The following ZNF782 variants were observed in gnomAD, a reference collection of about 807,000 sequenced individuals.
The protein encoded by ZNF782 is zinc finger protein 782.
ZNF782 carries 12 observed loss-of-function variants against 13.0 expected under a neutral mutation model. The ratio of observed to expected loss-of-function variants is 0.92; its 90% CI spans 0.59 to 1.50. The LOEUF is 1.50. Among genes scored for constraint, ZNF782 ranks in the 40% most tolerant of loss-of-function variants. The pLI, the probability that ZNF782 is intolerant of heterozygous loss-of-function variation, is 0.00. For missense variants in ZNF782, 770 were observed against 822.9 expected, an observed-to-expected ratio of 0.94 and a Z score of 0.79; for synonymous variants, 284 against 283.0, an observed-to-expected ratio of 1.00 and a Z score of -0.04.
chr9:96,907,305 A>G, the ZNF782 span, among the ~76,000 whole-genome samples: 14 of 152,214 alleles, frequency 9.2e-5, no homozygotes, highest in Admixed American at 8.5e-4. Flanking sequence ...TCAAGCTTAT[A>G]GAAAGAGAAA....
rs114957208 is a variant in ZNF782, at chr9:96,872,320, C to T, written c.-457+3148G>A. ...GGCCAAGGCAGGTAGTTCAGAAGGT[C>T]GGGAGTTCAAGACCAGCCTGGTCAA... On this transcript the variant is annotated intron_variant, in intron 1 of 5. Transcript: ENST00000498811. Among the ~76,000 whole-genome samples the T allele has an allele frequency of 5.1e-3, 782 of 152,184 alleles. 8 individuals are homozygous for T. The highest frequency in any genetic ancestry group is 0.018 in the African/African-American group (741 of 41,520).
the ZNF782 span, among the ~76,000 whole-genome samples, chr9:96,925,463 T>A: frequency 1.3e-5 from 2 of 151,856 alleles, no homozygotes; most frequent in Non-Finnish European, 2.9e-5. Context: ...TATGGTGCAA[T>A]CCCGTCTCTA....
chr9:96,851,145 A>G (rs113531813), intron 3 of ZNF782, among the ~76,000 whole-genome samples: 1 of 152,146 alleles, frequency 6.6e-6, no homozygotes, highest in Non-Finnish European at 1.5e-5. Flanking sequence ...ACAAAGAAAA[A>G]TCTTGTTTGA....
chr9:96,845,127 T>C (rs183083936), intron 3 of ZNF782, 111 bp from the exon 4 acceptor site: 9 of 1,347,956 alleles, frequency 6.7e-6, no homozygotes, highest in Middle Eastern at 3.7e-4. Flanking sequence ...CAAAATGCTA[T>C]AAGGGATTCT....
chr9:96,879,360 G>A (rs1439674092), upstream of ZNF782, among the ~76,000 whole-genome samples: 4 of 152,120 alleles, frequency 2.6e-5, no homozygotes, highest in African/African-American at 9.7e-5. Flanking sequence ...AAAATTAGCC[G>A]TGCCTGGTGG....
chr9:96,931,616 G>A, the ZNF782 span: 1 of 1,169,776 alleles, frequency 8.5e-7, no homozygotes, highest in South Asian at 1.5e-5. Context: ...AAGCTGCAGA[G>A]TTTCCCTGTC....
At position 96,816,558 on chromosome 9, in the gene ZNF782, A is replaced by G. The variant is rs949865170; in HGVS notation, c.*1365T>C. 2 of 152,190 alleles carry G rather than the reference A, an allele frequency of 1.3e-5. No individual in the cohort carries two copies. The highest frequency in any genetic ancestry group is 4.8e-5 in the African/African-American group (2 of 41,444). The allele number at this position is 152,190 out of a possible 1,614,324, so 9.4% of individuals were successfully genotyped here. On this transcript the variant is annotated 3_prime_UTR_variant, in exon 6 of 6. Transcript: ENST00000481138. Reference sequence around the variant, plus strand: ...ATATTTCATTAAAAGTTTTGATATTATATGTGAAACAACAGTTCTGATAAA... The same window carrying G: ...ATATTTCATTAAAAGTTTTGATATTGTATGTGAAACAACAGTTCTGATAAA...
chr9:96,900,109 C>T, the ZNF782 span, among the ~76,000 whole-genome samples: 19 of 151,398 alleles, frequency 1.3e-4, no homozygotes, highest in African/African-American at 3.7e-4. Flanking sequence ...AAAATTAGTT[C>T]AGACCAGATC....
rs1268026097 is a variant in ZNF782, at chr9:96,832,365, TCAAA to T, written c.143-5188_143-5185del. Among the ~76,000 whole-genome samples the T allele has an allele frequency of 2.0e-5, 3 of 152,324 alleles. No individual in the cohort carries two copies. In the East Asian group the frequency reaches 5.8e-4, roughly 29 times the overall value. ...AATGTTCAATTTTTCCCTTCAACCA[TCAAA>T]CAAAATTAGAAAACTCAAGAGGGAA... On this transcript the variant is annotated intron_variant, in intron 4 of 5. Coordinates refer to ENST00000481138, the MANE Select transcript of ZNF782 (RefSeq NM_001001662.3).
At chr9:96,905,772 G>A in the ZNF782 span, among the ~76,000 whole-genome samples, 66 of 152,342 alleles carry the variant, frequency 4.3e-4, no homozygotes, top group Non-Finnish European at 8.2e-4. Context: ...TTTTATGAGA[G>A]GCAGGGTTTC....
chr9:96,823,888 G>T (rs764370950), intron 5 of ZNF782, among the ~76,000 whole-genome samples: 78 of 152,072 alleles, frequency 5.1e-4, no homozygotes, highest in Non-Finnish European at 1.0e-3. Flanking sequence ...CCAATAACAG[G>T]AGCTGAAATT....
In ZNF782 at chr9:96,818,608, T is replaced by C. The variant is rs1563991320; in HGVS notation, c.1415A>G (p.His472Arg). ...ACATTCAAAAGGTTTCTCCCCTGTG[T>C]GAGTTCTCTGATGCACTATGAGGAT... ...KSILIVHQRT[H>R]TGEKPFECNE... The change falls in exon 6 of 6, where the codon CAC (histidine) becomes CGC (arginine). Residue 472 changes from histidine to arginine, a missense_variant. By Grantham distance (29) the His-to-Arg change is conservative. Transcript: ENST00000481138. 1 of 1,614,202 alleles carries C rather than the reference T, an allele frequency of 6.2e-7. No homozygotes were observed. Among genetic ancestry groups the C allele is most frequent in the East Asian group, 2.2e-5 (1 of 44,880 alleles).
chr9:96,884,368 T>C, the ZNF782 span, among the ~76,000 whole-genome samples: 5 of 152,186 alleles, frequency 3.3e-5, no homozygotes, highest in Admixed American at 6.5e-5. Context: ...TGAAGGTCCA[T>C]TGGGTGCTGA....
the ZNF782 span, chr9:96,892,303 A>C: frequency 6.6e-6 from 1 of 152,230 alleles, no homozygotes; most frequent in African/African-American, 2.4e-5. Context: ...TGAATGGATA[A>C]ACAAAATGTG....
intron 1 of ZNF782, among the ~76,000 whole-genome samples, chr9:96,864,148 T>C (rs2118867895): frequency 6.7e-6 from 1 of 149,262 alleles, no homozygotes; most frequent in Non-Finnish European, 1.5e-5. Flanking sequence ...TATATACACA[T>C]TTAATTCAAA....
At chr9:96,840,144 T>C (rs945204213) in intron 4 of ZNF782, among the ~76,000 whole-genome samples, 17 of 152,180 alleles carry the variant, frequency 1.1e-4, no homozygotes, top group Non-Finnish European at 8.8e-5. Flanking sequence ...TGACTACTTA[T>C]TGCTTTAAAC....
At chr9:96,904,494 TC>T in the ZNF782 span, among the ~76,000 whole-genome samples, 3 of 126,986 alleles carry the variant, frequency 2.4e-5, no homozygotes, top group Non-Finnish European at 4.4e-5. Context: ...CGATATAACT[TC>T]TTTGATGAAG....
At chr9:96,912,674 G>A in the ZNF782 span, among the ~76,000 whole-genome samples, 11 of 151,484 alleles carry the variant, frequency 7.3e-5, no homozygotes, top group African/African-American at 2.2e-4. Context: ...AATTACAGGC[G>A]TATGCCATCA....
chr9:96,846,547 T>A (rs1281350273), intron 3 of ZNF782, among the ~76,000 whole-genome samples: 2 of 152,088 alleles, frequency 1.3e-5, no homozygotes, highest in African/African-American at 4.8e-5. Context: ...GTAGCTATTC[T>A]TATATCAGAC....
Sources: allele counts gnomAD v4.1 joint callset (sites outside exome capture counted in the v4.1 genomes callset), GRCh38; gene constraint gnomAD v4.1.1; transcripts MANE v1.5; gene names NCBI Gene and HGNC (gene_info 2026-07-23, HGNC 2026-07-21).